Variants in HMGCS1 observed in about 807,000 individuals in gnomAD.
HMGCS1 encodes the protein 3-hydroxy-3-methylglutaryl-CoA synthase 1.
A neutral mutation model predicts 52.3 loss-of-function variants in HMGCS1; 9 were observed. The observed-to-expected ratio is 0.17, with a 90% CI of 0.10 to 0.30. The LOEUF (loss-of-function observed/expected upper bound fraction) is 0.30, where lower values mean the gene tolerates loss of function less well. HMGCS1 is among the 10% of genes least tolerant of loss of function. The pLI, the probability that HMGCS1 is intolerant of heterozygous loss-of-function variation, is 1.00. For synonymous variants in HMGCS1, 176 were observed against 214.4 expected (o/e 0.82, Z 1.57); for missense variants, 320 against 620.9 (o/e 0.52, Z 5.15).
chr5:43,305,400 A>G (rs1287085791), intron 2 of HMGCS1, among the ~76,000 whole-genome samples: 1 of 152,236 alleles, frequency 6.6e-6, no homozygotes, highest in Non-Finnish European at 1.5e-5. Context: ...GACTAGCTAC[A>G]GGTCTGAGGT....
intron 1 of HMGCS1, among the ~76,000 whole-genome samples, chr5:43,312,034 A>C (rs901894489): frequency 6.6e-6 from 1 of 152,206 alleles, no homozygotes; most frequent in Non-Finnish European, 1.5e-5. Flanking sequence ...AATAACTGCA[A>C]TTTTAAAATA....
chr5:43,307,209 T>TA (rs1754622597), intron 2 of HMGCS1, among the ~76,000 whole-genome samples: 1 of 151,996 alleles, frequency 6.6e-6, no homozygotes, highest in Non-Finnish European at 1.5e-5. Context: ...CTGCTTGACT[T>TA]ACAGGCACCT....
intron 2 of HMGCS1, among the ~76,000 whole-genome samples, chr5:43,301,727 A>G (rs1355067554): frequency 6.6e-6 from 1 of 152,228 alleles, no homozygotes; most frequent in Non-Finnish European, 1.5e-5. Flanking sequence ...GGCAGTCCAG[A>G]TAAGACATGG....
chr5:43,293,016 A>T (rs748591938), intron 8 of HMGCS1, 43 bp from the exon 9 acceptor site: 291 of 1,520,546 alleles, frequency 1.9e-4, no homozygotes, highest in Non-Finnish European at 2.4e-4. Context: ...TTTTTTGAAA[A>T]ATCATGTCCA....
chr5:43,302,217 G>C (rs1754354259), intron 2 of HMGCS1, among the ~76,000 whole-genome samples: 1 of 152,250 alleles, frequency 6.6e-6, no homozygotes, highest in South Asian at 2.1e-4. Flanking sequence ...AACACACAAA[G>C]AGAACTACAC....
At position 43,298,162 on chromosome 5, in the gene HMGCS1, A is replaced by G; in HGVS notation, c.449-28T>C. 6.3e-7 allele frequency: 1 copy of G among 1,594,944 alleles called. No homozygotes were observed. The highest frequency in any genetic ancestry group is 1.1e-5 in the South Asian group (1 of 88,034). On this transcript the variant is annotated intron_variant, in intron 3 of 10. Coordinates refer to ENST00000325110, the MANE Select transcript of HMGCS1 (RefSeq NM_001098272.3). This position sits in a 1 kb window ranked among gnomAD's most constrained non-coding sequence, Gnocchi z 5.6. The stretch of plus-strand genomic sequence containing the variant: ...GAAAAATATTTTTTGTTATTTCACA[A>G]GAAGGAATTCAACACTATAACCAAA...
rs566937312 is a variant in HMGCS1, at chr5:43,289,386, T to A, written c.*1745A>T. The A allele has an allele frequency of 1.3e-5, 2 of 152,714 alleles. No individual in the cohort carries two copies. The highest frequency in any genetic ancestry group is 3.9e-4 in the East Asian group (2 of 5,188). 9.5% of individuals were successfully genotyped at this position (152,714 alleles called of 1,614,324 possible). A position where few individuals can be genotyped will look rare whatever the true frequency, so the allele number is the denominator to read the frequency against. On this transcript the variant is annotated 3_prime_UTR_variant, in exon 11 of 11. Transcript: ENST00000325110. Reference sequence around the variant, plus strand: ...TTAGTTCAAGAGTGAAAAAGAATACTCAAGTATCTGAAACATTTCTCTAAA... The same window carrying A: ...TTAGTTCAAGAGTGAAAAAGAATACACAAGTATCTGAAACATTTCTCTAAA...
chr5:43,295,636 G>C (rs1057222569), intron 6 of HMGCS1, 116 bp downstream of exon 6: 14 of 728,086 alleles, frequency 1.9e-5, no homozygotes, highest in Non-Finnish European at 2.7e-5. Context: ...GATTAGACTG[G>C]ATGACTTCTA....
At chr5:43,293,558 ATTTTT>A (rs34148210) in intron 8 of HMGCS1, among the ~76,000 whole-genome samples, 10 of 142,026 alleles carry the variant, frequency 7.0e-5, no homozygotes, top group African/African-American at 2.7e-4. Flanking sequence ...ATAAGGTAGA[ATTTTT>A]TTTTTTTTTT....
At chr5:43,295,961 T>G in intron 5 of HMGCS1, 44 bp from the exon 6 acceptor site, 1 of 1,482,852 alleles carries the variant, frequency 6.7e-7, no homozygotes, top group Non-Finnish European at 9.3e-7. Flanking sequence ...ATATAAGCCA[T>G]GAAATTTTAA....
chr5:43,295,013 A>C (rs1753960792), intron 6 of HMGCS1, 152 bp from the exon 7 acceptor site: 3 of 514,168 alleles, frequency 5.8e-6, no homozygotes, highest in Non-Finnish European at 1.0e-5. Context: ...TTGCTATAGA[A>C]ATCATAACAG....
chr5:43,294,544 C>G (rs1753937576), intron 7 of HMGCS1, 147 bp downstream of exon 7: 1 of 551,778 alleles, frequency 1.8e-6, no homozygotes, highest in South Asian at 2.8e-5. Flanking sequence ...ATACATCTTT[C>G]AAGTCAATGG....
chr5:43,291,867 G>A (rs1753783768), intron 10 of HMGCS1, among the ~76,000 whole-genome samples: 1 of 151,968 alleles, frequency 6.6e-6, no homozygotes, highest in African/African-American at 2.4e-5. Flanking sequence ...GATGTGAAAG[G>A]ATCCTTGTCC....
At chr5:43,296,880 G>A (rs1002832841) in intron 5 of HMGCS1, 122 bp downstream of exon 5, 110 of 684,242 alleles carry the variant, frequency 1.6e-4, no homozygotes, top group Middle Eastern at 2.8e-4. Context: ...GGTGAATGAG[G>A]AATTAATGGT....
chr5:43,311,422 T>C (rs1754863848), intron 1 of HMGCS1, among the ~76,000 whole-genome samples: 1 of 151,834 alleles, frequency 6.6e-6, no homozygotes, highest in Non-Finnish European at 1.5e-5. Context: ...CATAAAAATA[T>C]CACACATCCT....
At chr5:43,293,124 C>G in intron 8 of HMGCS1, 151 bp from the exon 9 acceptor site, 1 of 632,058 alleles carries the variant, frequency 1.6e-6, no homozygotes, top group Non-Finnish European at 2.7e-6. Flanking sequence ...AAGATGATAC[C>G]TATTTGACAA....
At chr5:43,310,005 C>T (rs1167076850) in intron 1 of HMGCS1, among the ~76,000 whole-genome samples, 2 of 152,210 alleles carry the variant, frequency 1.3e-5, no homozygotes, top group Non-Finnish European at 2.9e-5. Context: ...AAGTTCATTG[C>T]CTACACATTT....
intron 2 of HMGCS1, among the ~76,000 whole-genome samples, chr5:43,304,078 A>C (rs1169302423): frequency 6.6e-6 from 1 of 152,252 alleles, no homozygotes; most frequent in East Asian, 1.9e-4. Flanking sequence ...GGGCTGCCTA[A>C]TATGCCACTA....
chr5:43,308,213 G>A (rs533415935), intron 1 of HMGCS1, among the ~76,000 whole-genome samples: 1 of 152,326 alleles, frequency 6.6e-6, no homozygotes, highest in East Asian at 1.9e-4. Context: ...CTAGAGTAAA[G>A]AGATATATGC....
Sources: allele counts gnomAD v4.1 joint callset (sites outside exome capture counted in the v4.1 genomes callset), GRCh38; gene constraint gnomAD v4.1.1; non-coding constraint Gnocchi (gnomAD v3.1); transcripts MANE v1.5; gene names NCBI Gene and HGNC (gene_info 2026-07-23, HGNC 2026-07-21).